The following TJP2 variants were observed in gnomAD, a reference collection of about 807,000 sequenced individuals.
The protein encoded by TJP2 is tight junction protein 2.
Under a neutral mutation model 133.1 loss-of-function variants are expected in TJP2, and 91 were observed. That is an observed-to-expected ratio of 0.68 (90% CI 0.58 to 0.81). The LOEUF (loss-of-function observed/expected upper bound fraction) is 0.81. TJP2 is among the 40% of genes least tolerant of loss of function. The pLI, the probability that TJP2 is intolerant of heterozygous loss-of-function variation, is 0.00. For missense variants in TJP2, 1,541 were observed against 1,565.6 expected (o/e 0.98, Z 0.26); for synonymous variants, 592 against 583.4 (o/e 1.01, Z -0.21).
At chr9:69,207,621 A>C (rs11145688) in intron 1 of TJP2, among the ~76,000 whole-genome samples, 57,812 of 152,048 alleles carry the variant, frequency 0.38, 11,242 homozygotes, top group South Asian at 0.43. Context: ...ATTCTGATAT[A>C]TGCGTGCTCT....
At chr9:69,244,779 T>G (rs1247338308) in intron 17 of TJP2, among the ~76,000 whole-genome samples, 1 of 152,220 alleles carries the variant, frequency 6.6e-6, no homozygotes, top group Non-Finnish European at 1.5e-5. Context: ...GCTTAGGAAG[T>G]TAGCTACTGT....
At chr9:69,249,734 C>G (rs1441789038) in intron 20 of TJP2, 1 of 985,170 alleles carries the variant, frequency 1.0e-6, no homozygotes, top group Admixed American at 6.1e-5. Context: ...ATTTAATTTA[C>G]TCTTCTTGTT....
chr9:69,250,972 C>G, intron 20 of TJP2, 63 bp from the exon 21 acceptor site: 1 of 1,455,554 alleles, frequency 6.9e-7, no homozygotes, highest in African/African-American at 1.4e-5. Context: ...TATTAAATCA[C>G]TAATATAGAT....
intron 1 of TJP2, among the ~76,000 whole-genome samples, chr9:69,203,645 G>A (rs1454446382): frequency 1.8e-5 from 2 of 113,056 alleles, no homozygotes; most frequent in Admixed American, 1.3e-4. Flanking sequence ...ACAGGGTCTC[G>A]CTCTATGGCC....
At chr9:69,196,940 TGTGTGTACAC>T (rs774474925) in intron 1 of TJP2, among the ~76,000 whole-genome samples, 12,286 of 70,338 alleles carry the variant, frequency 0.17, 627 homozygotes, top group Non-Finnish European at 0.23. Flanking sequence ...TGTGTGTGTG[TGTGTGTACAC>T]ACACACACAC....
chr9:69,220,524 A>G (rs1828738211), intron 4 of TJP2, among the ~76,000 whole-genome samples: 1 of 152,194 alleles, frequency 6.6e-6, no homozygotes, highest in South Asian at 2.1e-4. Context: ...ACTTCTCTTT[A>G]TCCGCCTTTG....
rs201708475 is a variant in TJP2, at chr9:69,221,061, G to A, written c.517G>A (p.Asp173Asn). Residue 173 changes from aspartate (D) to asparagine (N), a missense_variant, in exon 5 of 23, where the codon GAC (aspartate) becomes AAC (asparagine). Physicochemically the swap from Asp to Asn is conservative, Grantham distance 23 (BLOSUM62 1). Transcript: ENST00000377245. ...TGGGGGGCGCAGCCGCAGCTGGGAG[G>A]ACAGCCCGGAAAGGGGGCGTCCCCA... ...SHGGRSRSWEDSPERGRPHER... is the reference protein window; with the variant it reads ...SHGGRSRSWENSPERGRPHER... The A allele has an allele frequency of 3.8e-6, 6 of 1,599,408 alleles. No individual in the cohort carries two copies. In the Admixed American group the frequency reaches 8.7e-5, roughly 23 times the overall value.
chr9:69,247,859 C>T (rs1831034476), intron 18 of TJP2, among the ~76,000 whole-genome samples, 153 bp from the exon 19 acceptor site: 1 of 152,116 alleles, frequency 6.6e-6, no homozygotes, highest in Admixed American at 6.5e-5. Context: ...TGTACCAAAG[C>T]CAAGTGATCT....
At chr9:69,131,442 C>T (rs1402389611) in intron 1 of TJP2, among the ~76,000 whole-genome samples, 1 of 152,130 alleles carries the variant, frequency 6.6e-6, no homozygotes, top group African/African-American at 2.4e-5. Context: ...TCTACTCTTC[C>T]CACTCACGTC....
At chr9:69,141,739 C>T (rs1011365806) in intron 1 of TJP2, among the ~76,000 whole-genome samples, 1 of 152,068 alleles carries the variant, frequency 6.6e-6, no homozygotes, top group African/African-American at 2.4e-5. Flanking sequence ...TACAGGTGCC[C>T]ACCACCATGC....
intron 2 of TJP2, among the ~76,000 whole-genome samples, chr9:69,166,787 A>C (rs1824380561): frequency 6.6e-6 from 1 of 152,122 alleles, no homozygotes; most frequent in Non-Finnish European, 1.5e-5. Flanking sequence ...TTTTTAAAAA[A>C]TTAGCCAGGC....
intron 1 of TJP2, among the ~76,000 whole-genome samples, chr9:69,212,285 G>C (rs1023982452): frequency 6.6e-6 from 1 of 152,176 alleles, no homozygotes; most frequent in African/African-American, 2.4e-5. Context: ...GATAATAAAA[G>C]GACTCAGCAC....
At chr9:69,247,162 A>G (rs1830984831) in intron 18 of TJP2, among the ~76,000 whole-genome samples, 1 of 152,232 alleles carries the variant, frequency 6.6e-6, no homozygotes, top group Admixed American at 6.5e-5. Context: ...AATACGGCTA[A>G]ACATTAATAA....
upstream of TJP2, among the ~76,000 whole-genome samples, chr9:69,169,942 A>G (rs1824588307): frequency 6.6e-6 from 1 of 151,950 alleles, no homozygotes; most frequent in Non-Finnish European, 1.5e-5. Flanking sequence ...CCTGGGCTCA[A>G]GCAATCCTCT....
At chr9:69,223,401 G>A (rs1377805432) in intron 5 of TJP2, among the ~76,000 whole-genome samples, 2 of 152,234 alleles carry the variant, frequency 1.3e-5, no homozygotes, top group Non-Finnish European at 1.5e-5. Flanking sequence ...TCCATCTCCC[G>A]GGTTCACACC....
chr9:69,185,729 C>T (rs1177351314), intron 1 of TJP2, among the ~76,000 whole-genome samples: 1 of 151,934 alleles, frequency 6.6e-6, no homozygotes, highest in Non-Finnish European at 1.5e-5. Flanking sequence ...CTTTAGCTTC[C>T]TTTGTGTTCT....
At chr9:69,150,039 A>T (rs1823394103) in intron 1 of TJP2, among the ~76,000 whole-genome samples, 1 of 151,980 alleles carries the variant, frequency 6.6e-6, no homozygotes, top group South Asian at 2.1e-4. Flanking sequence ...AATCCCAGCT[A>T]CCTGAGAGGC....
rs952648305 is a variant in TJP2, at chr9:69,248,495, T to TGC, written c.2880+272_2880+273dup. Reference sequence around the variant, plus strand: ...GATGGATAAACAGAATGGCTTTAGGTGCCGTCTGTCCAAATTACCAGCGGA... The same window carrying TGC: ...GATGGATAAACAGAATGGCTTTAGGTGCGCCGTCTGTCCAAATTACCAGCGGA... On this transcript the variant is annotated intron_variant, in intron 19 of 22. Coordinates refer to ENST00000377245, the MANE Select transcript of TJP2 (RefSeq NM_004817.4). 1.8e-5 allele frequency: 24 copies of TGC among 1,312,306 alleles called. No individual in the cohort carries two copies. The African/African-American group carries it at 3.4e-4, about 19-fold the overall frequency. 81.3% of individuals were successfully genotyped at this position (1,312,306 alleles called of 1,614,324 possible).
In TJP2 at chr9:69,174,316, G is replaced by A. The variant is rs1048126838; in HGVS notation, c.-57G>A. On this transcript the variant is annotated 5_prime_UTR_variant, in exon 1 of 23. Transcript: ENST00000377245. ...TGGTGCCCAGGAGGAGTAGGAGCAG[G>A]AGCAGAAGCAGAAGCGGGGTCCGGA... 1.4e-5 allele frequency: 22 copies of A among 1,550,598 alleles called. No homozygotes were observed. Among genetic ancestry groups the A allele is most frequent in the Admixed American group, 9.8e-5 (5 of 50,972 alleles).
Sources: allele counts gnomAD v4.1 joint callset (sites outside exome capture counted in the v4.1 genomes callset), GRCh38; gene constraint gnomAD v4.1.1; transcripts MANE v1.5; gene names NCBI Gene and HGNC (gene_info 2026-07-23, HGNC 2026-07-21).